The following LINGO2 variants were observed in gnomAD, a reference collection of about 807,000 sequenced individuals.
The protein encoded by LINGO2 is leucine rich repeat and Ig domain containing 2, also known as leucine-rich repeat and immunoglobulin-like domain-containing nogo receptor-interacting protein 2.
In LINGO2, 14 loss-of-function variants were observed where a neutral mutation model predicts 30.6. That is an observed-to-expected ratio of 0.46 (90% CI 0.30 to 0.72). LINGO2 has a LOEUF of 0.72. Ranked by LOEUF, LINGO2 falls within the 30% of genes least tolerant of loss-of-function variation. The pLI, the probability that LINGO2 is intolerant of heterozygous loss-of-function variation, is 0.07. For missense variants in LINGO2, 729 were observed against 751.7 expected (o/e 0.97, Z 0.35); for synonymous variants, 317 against 288.5 (o/e 1.10, Z -1.00).
intron 4 of LINGO2, among the ~76,000 whole-genome samples, chr9:28,195,479 A>G (rs964070391): frequency 2.0e-5 from 3 of 151,122 alleles, no homozygotes; most frequent in Non-Finnish European, 4.4e-5. Flanking sequence ...AGGCACTTAA[A>G]AGATGCTTTT....
chr9:29,044,802 T>C, the LINGO2 span, among the ~76,000 whole-genome samples: 1 of 152,110 alleles, frequency 6.6e-6, no homozygotes, highest in Non-Finnish European at 1.5e-5. Flanking sequence ...CAGATGGTAC[T>C]GGAGCCTACG....
At chr9:28,400,181 A>G (rs543918003) in intron 2 of LINGO2, among the ~76,000 whole-genome samples, 1 of 152,312 alleles carries the variant, frequency 6.6e-6, no homozygotes, top group East Asian at 1.9e-4. Context: ...ATACCTTTGC[A>G]CTATAGCCTA....
intron 2 of LINGO2, among the ~76,000 whole-genome samples, chr9:28,387,931 C>T (rs568585544): frequency 1.3e-5 from 2 of 152,254 alleles, no homozygotes; most frequent in Admixed American, 6.5e-5. Flanking sequence ...GTAACACTCA[C>T]GGCGAGGGTC....
intron 4 of LINGO2, among the ~76,000 whole-genome samples, chr9:28,055,495 C>A (rs1824886932): frequency 6.6e-6 from 1 of 152,250 alleles, no homozygotes; most frequent in Non-Finnish European, 1.5e-5. Context: ...GAGTAAGGTT[C>A]ACTTTTAGGA....
chr9:27,985,606 C>T (rs1451847432), intron 5 of LINGO2, among the ~76,000 whole-genome samples: 2 of 151,622 alleles, frequency 1.3e-5, no homozygotes, highest in Admixed American at 6.6e-5. Context: ...AAGTGTAGTA[C>T]AAGATAAGGC....
At chr9:28,785,616 T>C in the LINGO2 span, among the ~76,000 whole-genome samples, 21 of 152,094 alleles carry the variant, frequency 1.4e-4, no homozygotes, top group Admixed American at 1.2e-3. Flanking sequence ...GACTCTCACT[T>C]GCTCTTTCCC....
At chr9:29,121,003 T>G in the LINGO2 span, among the ~76,000 whole-genome samples, 43 of 152,266 alleles carry the variant, frequency 2.8e-4, no homozygotes, top group African/African-American at 1.0e-3. Context: ...TGTCATAATC[T>G]TCACCTGAAA....
chr9:28,692,282 TTGGCCAGCA>T, the LINGO2 span, among the ~76,000 whole-genome samples: 1 of 151,854 alleles, frequency 6.6e-6, no homozygotes, highest in Non-Finnish European at 1.5e-5. Flanking sequence ...TGAGACCAGC[TTGGCCAGCA>T]TGGTGAAACC....
the LINGO2 span, among the ~76,000 whole-genome samples, chr9:28,700,547 T>G: frequency 6.6e-6 from 1 of 152,064 alleles, no homozygotes; most frequent in African/African-American, 2.4e-5. Flanking sequence ...GAAGGACATT[T>G]TGGGTGCTTC....
At chr9:28,591,128 A>C (rs1444248386) in intron 1 of LINGO2, among the ~76,000 whole-genome samples, 1 of 151,644 alleles carries the variant, frequency 6.6e-6, no homozygotes, top group Non-Finnish European at 1.5e-5. Context: ...TGGACACAGG[A>C]AGGGGAACCT....
chr9:28,426,891 G>A (rs940266239), intron 2 of LINGO2, among the ~76,000 whole-genome samples: 2 of 151,962 alleles, frequency 1.3e-5, no homozygotes, highest in African/African-American at 2.4e-5. Context: ...ACTTCTTTCT[G>A]TCTTTCCTCT....
chr9:28,767,391 G>C, the LINGO2 span, among the ~76,000 whole-genome samples: 1 of 152,064 alleles, frequency 6.6e-6, no homozygotes, highest in East Asian at 1.9e-4. Flanking sequence ...GAAAAATGCT[G>C]CCCTGACATT....
the LINGO2 span, among the ~76,000 whole-genome samples, chr9:29,127,351 G>T: frequency 2.6e-5 from 4 of 152,118 alleles, no homozygotes; most frequent in Non-Finnish European, 5.9e-5. Context: ...ACATATTTTG[G>T]TGAGTGAGCC....
intron 4 of LINGO2, among the ~76,000 whole-genome samples, chr9:28,272,043 A>G (rs1033356870): frequency 6.6e-6 from 1 of 152,184 alleles, no homozygotes; most frequent in Non-Finnish European, 1.5e-5. Flanking sequence ...ATTCCAGTCA[A>G]CTAAGACCTT....
chr9:29,160,688 G>C, the LINGO2 span, among the ~76,000 whole-genome samples: 1 of 152,174 alleles, frequency 6.6e-6, no homozygotes, highest in African/African-American at 2.4e-5. Flanking sequence ...CTAAGGGACA[G>C]ATATATATTT....
At chr9:27,948,689 C>G (rs900794002) in exon 6 of LINGO2, 1 of 788,188 alleles carries the variant, frequency 1.3e-6, no homozygotes, top group Non-Finnish European at 2.1e-6. Context: ...GCCTGCCTTT[C>G]GATGGAGAGT....
the LINGO2 span, among the ~76,000 whole-genome samples, chr9:28,854,577 C>T: frequency 6.6e-6 from 1 of 151,846 alleles, no homozygotes; most frequent in Non-Finnish European, 1.5e-5. Context: ...TAGGTAGTAT[C>T]CCTTAGCCAC....
At chr9:28,353,703 C>T (rs28888781) in intron 3 of LINGO2, among the ~76,000 whole-genome samples, 22,508 of 151,940 alleles carry the variant, frequency 0.15, 2,022 homozygotes, top group East Asian at 0.38. Flanking sequence ...CACATGCACA[C>T]GTATGTTTAT....
chr9:28,805,434 A>T, the LINGO2 span, among the ~76,000 whole-genome samples: 1 of 152,100 alleles, frequency 6.6e-6, no homozygotes, highest in East Asian at 1.9e-4. Context: ...TATATCTACC[A>T]CATGGCTTCT....
Sources: allele counts gnomAD v4.1 joint callset (sites outside exome capture counted in the v4.1 genomes callset), GRCh38; gene constraint gnomAD v4.1.1; transcripts MANE v1.5; gene names NCBI Gene and HGNC (gene_info 2026-07-23, HGNC 2026-07-21).